Variants in RBFOX3 observed in about 807,000 individuals in gnomAD.
The protein encoded by RBFOX3 is RNA binding protein fox-1 homolog 3.
Under a neutral mutation model 48.7 loss-of-function variants are expected in RBFOX3, and 17 were observed. The ratio of observed to expected loss-of-function variants is 0.35; its 90% confidence interval spans 0.24 to 0.52. The LOEUF (loss-of-function observed/expected upper bound fraction) is 0.52, where lower values mean the gene tolerates loss of function less well. Among genes scored for constraint, RBFOX3 ranks in the 20% least tolerant of loss-of-function variants. The pLI, the probability that RBFOX3 is intolerant of heterozygous loss-of-function variation, is 0.94. For synonymous variants in RBFOX3, 212 were observed against 209.5 expected, an observed-to-expected ratio of 1.01 and a Z score of -0.10; for missense variants, 382 against 497.5, an observed-to-expected ratio of 0.77 and a Z score of 2.21.
intron 2 of RBFOX3, among the ~76,000 whole-genome samples, chr17:79,410,468 GT>G (rs1313844456): frequency 6.6e-6 from 1 of 152,150 alleles, no homozygotes; most frequent in Non-Finnish European, 1.5e-5. Flanking sequence ...AAGGACCCAG[GT>G]AGGGAGTTTA....
chr17:79,569,521 GATGATGCAGTGAAC>G (rs1222472512), intron 1 of RBFOX3, among the ~76,000 whole-genome samples: 1 of 152,250 alleles, frequency 6.6e-6, no homozygotes, highest in Non-Finnish European at 1.5e-5. Context: ...TGTGGTGAAT[GATGATGCAGTGAAC>G]ATTGGCATAC....
intron 1 of RBFOX3, among the ~76,000 whole-genome samples, chr17:79,492,515 C>T (rs891442835): frequency 1.0e-3 from 159 of 152,336 alleles, no homozygotes; most frequent in African/African-American, 3.4e-3. Context: ...CCAGCAGCCA[C>T]GAGAGAGACC....
rs538533701 is a variant in RBFOX3 at position 79,155,269 on chromosome 17, C to T, written c.-33-39521G>A. ...GGCGCTGCTCAGAACCCGCCCCACA[C>T]CCCCAAGCCTTGACAGTACCCCCAG... On this transcript the variant is annotated intron_variant, in intron 4 of 14. Transcript: ENST00000693108. Among the ~76,000 whole-genome samples, 386 of 152,356 alleles carry T rather than the reference C, an allele frequency of 2.5e-3. 3 individuals carry two copies. The highest frequency in any genetic ancestry group is 2.7e-3 in the Non-Finnish European group (184 of 68,042).
At chr17:79,164,180 G>C (rs1259823220) in intron 4 of RBFOX3, among the ~76,000 whole-genome samples, 1 of 152,208 alleles carries the variant, frequency 6.6e-6, no homozygotes, top group Non-Finnish European at 1.5e-5. Flanking sequence ...CCTCTGGGAG[G>C]GGTGGGCATG....
chr17:79,116,286 A>G lies in RBFOX3; in HGVS notation c.-33-538T>C, dbSNP rs573301458. 5.9e-5 allele frequency among the ~76,000 whole-genome samples: 9 copies of G among 152,332 alleles called. No individual in the cohort carries two copies. In the South Asian group the frequency reaches 1.2e-3, roughly 21 times the overall value. ...CACCTCAAGAATTTTAAGCCTTGACAGGTGGATCACCTGAGGTCAGGAGTT... is the reference window on the plus strand; with the variant it reads ...CACCTCAAGAATTTTAAGCCTTGACGGGTGGATCACCTGAGGTCAGGAGTT... On this transcript the variant is annotated intron_variant, in intron 4 of 14. Transcript: ENST00000693108.
chr17:79,110,091 C>G (rs572827587), intron 5 of RBFOX3, among the ~76,000 whole-genome samples: 4 of 151,246 alleles, frequency 2.6e-5, no homozygotes, highest in Non-Finnish European at 5.9e-5. Context: ...CAGCCTCCAC[C>G]GCCTTTCCAG....
At chr17:79,441,279 C>T (rs1041960194) in intron 2 of RBFOX3, among the ~76,000 whole-genome samples, 9 of 152,346 alleles carry the variant, frequency 5.9e-5, no homozygotes, top group South Asian at 4.1e-4. Flanking sequence ...CCCGGAGCCT[C>T]GGCCTGCAGG....
chr17:79,414,870 G>A (rs1490269363), intron 2 of RBFOX3, among the ~76,000 whole-genome samples: 1 of 152,232 alleles, frequency 6.6e-6, no homozygotes, highest in African/African-American at 2.4e-5. Flanking sequence ...CAACCCCCTG[G>A]CAGTGGGTCT....
chr17:79,585,100 G>T (rs1037821929), intron 1 of RBFOX3, among the ~76,000 whole-genome samples: 15 of 152,078 alleles, frequency 9.9e-5, no homozygotes, highest in African/African-American at 3.6e-4. Context: ...GGGAAAGTGT[G>T]GGGGGTGGTG....
intron 1 of RBFOX3, among the ~76,000 whole-genome samples, chr17:79,544,433 G>C (rs550033647): frequency 6.6e-6 from 1 of 152,094 alleles, no homozygotes; most frequent in Admixed American, 6.5e-5. Context: ...CTCCCCAGTC[G>C]CTGGGGCACT....
intron 9 of RBFOX3, chr17:79,100,482 C>A (rs1428726108): frequency 6.6e-6 from 1 of 152,216 alleles, no homozygotes; most frequent in Non-Finnish European, 1.5e-5. Context: ...CCCGGCCCCA[C>A]CCCAGCATCG....
chr17:79,206,113 A>T (rs1182845008), intron 4 of RBFOX3, among the ~76,000 whole-genome samples: 1 of 152,180 alleles, frequency 6.6e-6, no homozygotes, highest in Non-Finnish European at 1.5e-5. Flanking sequence ...CCTAGCAAGA[A>T]GGTCTACAGC....
At chr17:79,246,973 C>A (rs924050711) in intron 3 of RBFOX3, among the ~76,000 whole-genome samples, 1 of 152,194 alleles carries the variant, frequency 6.6e-6, no homozygotes, top group Non-Finnish European at 1.5e-5. Context: ...CTTAGATGAG[C>A]GCGTTTCATT....
chr17:79,482,998 A>G lies in RBFOX3; in HGVS notation c.-319-400T>C, dbSNP rs2078987124. Among the ~76,000 whole-genome samples, 1 of 149,840 alleles carries G rather than the reference A, an allele frequency of 6.7e-6. No homozygotes were observed. ...TCCTCCCCCACCCAGCCTAGATTCC[A>G]GGACCCACCACTGTCCGCACTCTCC... On this transcript the variant is annotated intron_variant, in intron 1 of 14. Transcript: ENST00000693108. The surrounding 1 kb of genome is among the most constrained non-coding windows in gnomAD (Gnocchi z 4.1).
intron 4 of RBFOX3, among the ~76,000 whole-genome samples, chr17:79,140,414 C>A (rs1331007224): frequency 1.3e-5 from 2 of 152,274 alleles, no homozygotes; most frequent in African/African-American, 4.8e-5. Flanking sequence ...CCACTGCCTC[C>A]TGGGCACCAA....
In RBFOX3 at chr17:79,205,161, G is replaced by A. The variant is rs905793578; in HGVS notation, c.-34+30605C>T. 3.3e-5 allele frequency among the ~76,000 whole-genome samples: 5 copies of A among 152,120 alleles called. No homozygotes were observed. The highest frequency in any genetic ancestry group is 1.2e-4 in the African/African-American group (5 of 41,406). ...ATAGCATCCCCATCCTTCCCCAGATGGACCTGTGGATACTTGCCAGAGAAC... is the reference window on the plus strand; with the variant it reads ...ATAGCATCCCCATCCTTCCCCAGATAGACCTGTGGATACTTGCCAGAGAAC... On this transcript the variant is annotated intron_variant, in intron 4 of 14. Transcript: ENST00000693108. The surrounding 1 kb of genome is among the most constrained non-coding windows in gnomAD (Gnocchi z 4.5).
At chr17:79,633,342 C>T in the RBFOX3 span, among the ~76,000 whole-genome samples, 1 of 152,256 alleles carries the variant, frequency 6.6e-6, no homozygotes, top group African/African-American at 2.4e-5. Context: ...AAGGCCACCA[C>T]CAACCGGAGA....
intron 2 of RBFOX3, among the ~76,000 whole-genome samples, chr17:79,438,546 G>A (rs782013231): frequency 6.6e-5 from 10 of 152,178 alleles, no homozygotes; most frequent in Non-Finnish European, 8.8e-5. Flanking sequence ...TCACGATAGC[G>A]GGGCAGCCAG....
intron 4 of RBFOX3, among the ~76,000 whole-genome samples, chr17:79,208,724 T>C (rs1182370496): frequency 6.6e-6 from 1 of 152,140 alleles, no homozygotes; most frequent in Non-Finnish European, 1.5e-5. Flanking sequence ...ATTCTGACCG[T>C]GTCCCCACGC....
Sources: allele counts gnomAD v4.1 joint callset (sites outside exome capture counted in the v4.1 genomes callset), GRCh38; gene constraint gnomAD v4.1.1; non-coding constraint Gnocchi (gnomAD v3.1); transcripts MANE v1.5; gene names NCBI Gene and HGNC (gene_info 2026-07-23, HGNC 2026-07-21).